Variants in ADGRB3 observed in about 807,000 individuals in gnomAD.
ADGRB3 encodes adhesion G protein-coupled receptor B3.
Under a neutral mutation model 193.4 loss-of-function variants are expected in ADGRB3, and 37 were observed. That is an observed-to-expected ratio of 0.19 (90% CI 0.15 to 0.25). The LOEUF (loss-of-function observed/expected upper bound fraction) is 0.25. ADGRB3 is among the 10% of genes least tolerant of loss of function. The pLI is 1.00. For missense variants in ADGRB3, 1,637 were observed against 1,852.9 expected (o/e 0.88, Z 2.14); for synonymous variants, 690 against 644.2 (o/e 1.07, Z -1.08).
At chr6:68,705,034 T>A (rs1293279646) in intron 3 of ADGRB3, among the ~76,000 whole-genome samples, 2 of 152,146 alleles carry the variant, frequency 1.3e-5, no homozygotes, top group Admixed American at 6.6e-5. Context: ...ATTTTTGAAA[T>A]GTTGTATTTA....
chr6:69,120,894 A>G (rs1773660603), intron 17 of ADGRB3, among the ~76,000 whole-genome samples: 1 of 151,832 alleles, frequency 6.6e-6, no homozygotes, highest in Non-Finnish European at 1.5e-5. Flanking sequence ...TTTAATAATT[A>G]TTTACCTCAC....
At chr6:69,357,130 G>A (rs562938564) in intron 28 of ADGRB3, among the ~76,000 whole-genome samples, 1 of 152,020 alleles carries the variant, frequency 6.6e-6, no homozygotes, top group African/African-American at 2.4e-5. Context: ...CGATGCCCAA[G>A]GTAGCCTCCG....
At chr6:69,271,939 G>T (rs546769126) in intron 20 of ADGRB3, among the ~76,000 whole-genome samples, 3 of 152,022 alleles carry the variant, frequency 2.0e-5, no homozygotes, top group African/African-American at 4.8e-5. Flanking sequence ...GTGTAGAAAG[G>T]TACCATTTCT....
chr6:69,338,809 T>C (rs1768907852), intron 24 of ADGRB3, 107 bp from the exon 25 acceptor site: 5 of 883,466 alleles, frequency 5.7e-6, no homozygotes, highest in Non-Finnish European at 9.2e-6. Context: ...TTGATAAATA[T>C]ACTTTTCTGC....
chr6:68,739,249 G>A (rs1403589286), intron 3 of ADGRB3, among the ~76,000 whole-genome samples: 1 of 152,098 alleles, frequency 6.6e-6, no homozygotes, highest in African/African-American at 2.4e-5. Context: ...CAATGAGTAA[G>A]GAAAGATCTT....
At chr6:69,378,833 A>C (rs941151809) in intron 30 of ADGRB3, among the ~76,000 whole-genome samples, 6 of 152,044 alleles carry the variant, frequency 3.9e-5, no homozygotes, top group Non-Finnish European at 4.4e-5. Context: ...TACTCCAGAC[A>C]TACAGGTGGC....
intron 3 of ADGRB3, among the ~76,000 whole-genome samples, chr6:68,799,768 T>C (rs2127370336): frequency 6.6e-6 from 1 of 152,256 alleles, no homozygotes; most frequent in Admixed American, 6.5e-5. Context: ...ATGCAGATGT[T>C]CATATGATGA....
At chr6:69,283,945 A>G (rs1178385420) in intron 20 of ADGRB3, among the ~76,000 whole-genome samples, 1 of 152,110 alleles carries the variant, frequency 6.6e-6, no homozygotes, top group Non-Finnish European at 1.5e-5. Flanking sequence ...AGAAGTTACT[A>G]TACTCTGTAA....
chr6:69,078,792 G>T (rs1478998695), intron 17 of ADGRB3, among the ~76,000 whole-genome samples: 1 of 151,708 alleles, frequency 6.6e-6, no homozygotes. Context: ...TTTTCGTTTG[G>T]TTACCACCTG....
rs534030001 is a variant in ADGRB3 at position 69,248,763 on chromosome 6, A to G, written c.2814+9537A>G. 3.9e-5 allele frequency among the ~76,000 whole-genome samples: 6 copies of G among 152,308 alleles called. No homozygotes were observed. In the East Asian group the frequency reaches 1.2e-3, roughly 29 times the overall value. ...AGGCAATTTTGAGCTTTCTAGAAGT[A>G]TCTTATGTGCATACCAACAGAACAA... On this transcript the variant is annotated intron_variant, in intron 20 of 31. Transcript: ENST00000370598.
intron 17 of ADGRB3, among the ~76,000 whole-genome samples, chr6:69,103,114 A>G (rs953449340): frequency 6.6e-6 from 1 of 152,236 alleles, no homozygotes; most frequent in East Asian, 1.9e-4. Flanking sequence ...TCAAAAAAAA[A>G]TCACAAATAA....
intron 5 of ADGRB3, among the ~76,000 whole-genome samples, chr6:68,937,280 A>G (rs1373817783): frequency 6.6e-6 from 1 of 152,198 alleles, no homozygotes; most frequent in Non-Finnish European, 1.5e-5. Context: ...TAACAATAGC[A>G]TGCCCACTTA....
intron 3 of ADGRB3, among the ~76,000 whole-genome samples, chr6:68,717,255 G>A (rs1765504071): frequency 6.6e-6 from 1 of 151,616 alleles, no homozygotes; most frequent in African/African-American, 2.4e-5. Context: ...GGTTCTTATA[G>A]CAATATATCT....
intron 30 of ADGRB3, among the ~76,000 whole-genome samples, chr6:69,375,212 T>C (rs937295669): frequency 6.6e-6 from 1 of 152,164 alleles, no homozygotes; most frequent in African/African-American, 2.4e-5. Context: ...TTGTTGCTGC[T>C]GTTGTTTCAG....
intron 3 of ADGRB3, among the ~76,000 whole-genome samples, chr6:68,642,023 A>T (rs1768094139): frequency 6.6e-6 from 1 of 152,018 alleles, no homozygotes; most frequent in Non-Finnish European, 1.5e-5. Flanking sequence ...AGCTTTTAAA[A>T]TTGGGTTTTA....
At chr6:69,133,592 T>C (rs1774071516) in intron 17 of ADGRB3, among the ~76,000 whole-genome samples, 1 of 151,922 alleles carries the variant, frequency 6.6e-6, no homozygotes, top group Non-Finnish European at 1.5e-5. Context: ...AATAGAAACA[T>C]AGGGACTCCT....
chr6:68,692,739 T>C (rs773266410), intron 3 of ADGRB3, among the ~76,000 whole-genome samples: 23 of 151,516 alleles, frequency 1.5e-4, no homozygotes, highest in Non-Finnish European at 2.4e-4. Flanking sequence ...GTTATTTATA[T>C]AATATAAAAT....
chr6:68,858,469 A>C (rs1205010974), intron 3 of ADGRB3, among the ~76,000 whole-genome samples: 3 of 141,304 alleles, frequency 2.1e-5, no homozygotes, highest in Non-Finnish European at 4.5e-5. Context: ...GAGCCATTGC[A>C]CTTTAGCCCA....
At chr6:69,002,941 G>A (rs1769626645) in intron 11 of ADGRB3, among the ~76,000 whole-genome samples, 1 of 152,126 alleles carries the variant, frequency 6.6e-6, no homozygotes. Context: ...TGGAAGCAGG[G>A]GAGTAGGGTG....
Sources: gnomAD v4.1 joint callset for allele counts (sites outside exome capture counted in the v4.1 genomes callset) on GRCh38, gnomAD v4.1.1 for gene constraint, MANE v1.5 for transcripts, NCBI Gene and HGNC (gene_info 2026-07-23, HGNC 2026-07-21) for gene names.